The following SYNE2 variants were observed in gnomAD, a reference collection of about 807,000 sequenced individuals.
SYNE2 encodes spectrin repeat containing nuclear envelope protein 2.
In SYNE2, 431 loss-of-function variants were observed where a neutral mutation model predicts 856.3. That is an observed-to-expected ratio of 0.50 (90% CI 0.47 to 0.55). The LOEUF (loss-of-function observed/expected upper bound fraction) is 0.55. SYNE2 is among the 20% of genes least tolerant of loss of function. The pLI, the probability that SYNE2 is intolerant of heterozygous loss-of-function variation, is 0.00. For missense variants in SYNE2, 8,129 were observed against 8,023.2 expected (o/e 1.01, Z -0.50); for synonymous variants, 2,923 against 2,872.3 (o/e 1.02, Z -0.56).
intron 35 of SYNE2, 80 bp from the exon 36 acceptor site, chr14:64,021,235 C>T (rs944734880): frequency 6.7e-5 from 73 of 1,092,284 alleles, no homozygotes; most frequent in Non-Finnish European, 9.8e-5. Context: ...GTAATCTCAA[C>T]CCATTCTCTA....
At chr14:64,109,218 G>A (rs2097790026) in intron 65 of SYNE2, among the ~76,000 whole-genome samples, 1 of 150,880 alleles carries the variant, frequency 6.6e-6, no homozygotes, top group Non-Finnish European at 1.5e-5. Context: ...GTTTCTGCTG[G>A]TGTGGATAAC....
Position 64,080,551 on chromosome 14 carries a change from A to C in SYNE2, c.11259A>C (p.Gln3753His), listed in dbSNP as rs1226574131. Residue 3753 changes from glutamine (Q) to histidine (H), a missense_variant, in exon 56 of 116, where the codon CAA (glutamine) becomes CAC (histidine). Transcript: ENST00000555002. The part of the protein sequence containing the change: ...DIVEQDPGQA[Q>H]EWMDNLMIPF... ...TTGAACAGGACCCAGGACAGGCTCA[A>C]GAATGGATGGATAACTTGATGATTC... 6.2e-7 allele frequency: 1 copy of C among 1,614,236 alleles called. No individual in the cohort carries two copies. Among genetic ancestry groups the C allele is most frequent in the East Asian group, 2.2e-5 (1 of 44,890 alleles).
chr14:63,841,832 C>CTTTTTTTTTTTTTTTTTTTTTTTTTTTT (rs34947861), intron 1 of SYNE2, among the ~76,000 whole-genome samples: 5 of 115,052 alleles, frequency 4.3e-5, no homozygotes, highest in Non-Finnish European at 6.8e-5. Context: ...TTCTTTCTTT[C>CTTTTTTTTTTTTTTTTTTTTTTTTTTTT]TTTTTTTTTT....
intron 6 of SYNE2, among the ~76,000 whole-genome samples, chr14:63,948,326 A>G (rs573200706): frequency 2.0e-5 from 3 of 152,296 alleles, no homozygotes; most frequent in South Asian, 4.1e-4. Context: ...AATATTTTCT[A>G]ATTTTTATTA....
At chr14:64,043,770 A>C (rs975954903) in intron 45 of SYNE2, among the ~76,000 whole-genome samples, 1 of 152,254 alleles carries the variant, frequency 6.6e-6, no homozygotes, top group Non-Finnish European at 1.5e-5. Context: ...CCAAGACAGA[A>C]GTTTGCTACG....
rs767038503 is a variant in SYNE2, at chr14:64,017,545, T to C, written c.4888-50T>C. The C allele has an allele frequency of 6.1e-6, 9 of 1,483,224 alleles. No individual in the cohort carries two copies. The Admixed American group carries it at 1.5e-4, about 25-fold the overall frequency. 91.9% of individuals were successfully genotyped at this position (1,483,224 alleles called of 1,614,324 possible). On this transcript the variant is annotated intron_variant, in intron 33 of 115. Transcript: ENST00000555002. Reference sequence around the variant, plus strand: ...CAGTGTTTGGCTGAAACAGTGGTTTTCAGACTTTTCACTGCTACATATGTT... The same window carrying C: ...CAGTGTTTGGCTGAAACAGTGGTTTCCAGACTTTTCACTGCTACATATGTT...
rs749911464 is a variant in SYNE2, at chr14:64,049,834, C to T, written c.7601C>T (p.Ser2534Phe). 1 of 1,614,008 alleles carries T rather than the reference C, an allele frequency of 6.2e-7. No homozygotes were observed. The highest frequency in any genetic ancestry group is 1.7e-5 in the Admixed American group (1 of 59,988). ...CAGGAATACCTTGCTGCAGTTGAAT[C>T]TTCAATGAAAGCCTTGTTGACAGAC... ...DFQEYLAAVESSMKALLTDKE... is the reference protein window; with the variant it reads ...DFQEYLAAVEFSMKALLTDKE... Residue 2534 changes from serine to phenylalanine, a missense_variant, in exon 47 of 116, where the codon TCT (serine) becomes TTT (phenylalanine). Physicochemically the swap from Ser to Phe is radical, Grantham distance 155. Around this residue, in one of 3 missense-constraint regions of SYNE2, gnomAD observed 5,410 missense variants for 5,284.8 expected, o/e 1.02. Coordinates refer to ENST00000555002, the MANE Select transcript of SYNE2 (RefSeq NM_182914.3).
At chr14:64,138,946 G>GTGTGTGTGGTGTGTGT (rs1465109787) in intron 79 of SYNE2, among the ~76,000 whole-genome samples, 1 of 137,696 alleles carries the variant, frequency 7.3e-6, no homozygotes, top group Non-Finnish European at 1.6e-5. Context: ...GTGTATGTAT[G>GTGTGTGTGGTGTGTGT]GTGTGTGTGT....
chr14:64,186,340 TA>T, intron 96 of SYNE2, 83 bp from the exon 97 acceptor site: 2 of 1,572,726 alleles, frequency 1.3e-6, no homozygotes, highest in Non-Finnish European at 1.7e-6. Flanking sequence ...CCCCAGAGTC[TA>T]ATCAAAGGAT....
intron 8 of SYNE2, among the ~76,000 whole-genome samples, chr14:63,957,324 A>C (rs2096253528): frequency 7.2e-6 from 1 of 139,148 alleles, no homozygotes; most frequent in South Asian, 2.4e-4. Flanking sequence ...GCTGGAGTGC[A>C]GTGGCGTGAT....
chr14:64,214,891 C>G (rs2098658501), intron 106 of SYNE2, among the ~76,000 whole-genome samples: 1 of 152,150 alleles, frequency 6.6e-6, no homozygotes, highest in South Asian at 2.1e-4. Context: ...AGGTACACGC[C>G]ACCACACCCA....
intron 1 of SYNE2, among the ~76,000 whole-genome samples, chr14:63,767,957 G>A (rs778942641): frequency 6.6e-6 from 1 of 152,150 alleles, no homozygotes; most frequent in Non-Finnish European, 1.5e-5. Context: ...ACTTTGGGAA[G>A]TCAAGGTGGG....
chr14:64,108,619 A>T (rs1334791304), intron 65 of SYNE2, among the ~76,000 whole-genome samples: 1 of 151,960 alleles, frequency 6.6e-6, no homozygotes, highest in African/African-American at 2.4e-5. Flanking sequence ...TAATTATTGC[A>T]TCTCTTTTCT....
intron 26 of SYNE2, 106 bp downstream of exon 26, chr14:63,998,434 A>ATT: frequency 1.3e-6 from 1 of 759,258 alleles, no homozygotes; most frequent in Non-Finnish European, 2.3e-6. Context: ...GTCATTTTGC[A>ATT]TATGATCCAG....
chr14:64,089,962 C>T (rs1360233568), intron 59 of SYNE2, among the ~76,000 whole-genome samples: 2 of 152,192 alleles, frequency 1.3e-5, no homozygotes, highest in African/African-American at 2.4e-5. Context: ...AACTGGGTTC[C>T]AGCCCCAGCT....
rs1383904302 is a variant in SYNE2 at position 64,167,611 on chromosome 14, A to T, written c.16877A>T (p.Glu5626Val). 6.2e-7 allele frequency: 1 copy of T among 1,614,100 alleles called. No individual in the cohort carries two copies. The highest frequency in any genetic ancestry group is 1.3e-5 in the African/African-American group (1 of 74,936). ...GTGGATGTGGCTAACAGCCTTCCTG[A>T]GCTCCTGGAGCAGCAGAAAACCTAT... ...LKVDVANSLP[E>V]LLEQQKTYKM... Residue 5626 changes from glutamate to valine, a missense_variant, in exon 92 of 116, where the codon GAG becomes GTG. Coordinates refer to ENST00000555002, the MANE Select transcript of SYNE2 (RefSeq NM_182914.3).
chr14:63,916,802 C>T (rs577086181), intron 2 of SYNE2, among the ~76,000 whole-genome samples: 7 of 151,964 alleles, frequency 4.6e-5, no homozygotes, highest in South Asian at 2.1e-4. Context: ...AAAAGCTTCT[C>T]GGCTGGTGCA....
At chr14:63,857,334 C>T (rs1388843235) in intron 1 of SYNE2, among the ~76,000 whole-genome samples, 1 of 152,114 alleles carries the variant, frequency 6.6e-6, no homozygotes, top group East Asian at 1.9e-4. Context: ...TTAAGTAATA[C>T]TCCATTGTAC....
chr14:64,011,572 C>T (rs1056864364), intron 32 of SYNE2, among the ~76,000 whole-genome samples: 3 of 152,148 alleles, frequency 2.0e-5, no homozygotes, highest in South Asian at 2.1e-4. Context: ...AAGTCTCTGC[C>T]TTATTCAACA....
Sources: gnomAD v4.1 joint callset for allele counts (sites outside exome capture counted in the v4.1 genomes callset) on GRCh38, gnomAD v4.1.1 for gene constraint, gnomAD v4.1.1 regional missense constraint, MANE v1.5 for transcripts, NCBI Gene and HGNC (gene_info 2026-07-23, HGNC 2026-07-21) for gene names.